SPTA1: variants seen among roughly 807,000 people sequenced by gnomAD.
SPTA1 encodes the protein spectrin alpha, erythrocytic 1.
A neutral mutation model predicts 324.7 loss-of-function variants in SPTA1; 177 were observed. The observed-to-expected ratio is 0.55, with a 90% CI of 0.48 to 0.62. The LOEUF is 0.62. SPTA1 is among the 20% of genes least tolerant of loss of function. SPTA1 has a pLI of 0.00. For synonymous variants in SPTA1, 1,195 were observed against 1,041.3 expected (o/e 1.15, Z -2.84); for missense variants, 3,162 against 2,883.6 (o/e 1.10, Z -2.21).
At chr1:158,641,675 G>C (rs1006410616) in intron 33 of SPTA1, among the ~76,000 whole-genome samples, 2 of 152,190 alleles carry the variant, frequency 1.3e-5, no homozygotes, top group African/African-American at 4.8e-5. Flanking sequence ...TGCTGGAGAG[G>C]ATGTGGAGAA....
At chr1:158,644,007 G>T (rs191273047) in intron 30 of SPTA1, among the ~76,000 whole-genome samples, 12 of 151,764 alleles carry the variant, frequency 7.9e-5, no homozygotes, top group Middle Eastern at 3.4e-3. Context: ...CATGGTGGTG[G>T]GTGTCTGTAA....
At chr1:158,638,931 T>C (rs1651316384) in intron 35 of SPTA1, among the ~76,000 whole-genome samples, 1 of 152,100 alleles carries the variant, frequency 6.6e-6, no homozygotes, top group Non-Finnish European at 1.5e-5. Context: ...TAGCTGCCCA[T>C]TGAACACATC....
intron 4 of SPTA1, 98 bp downstream of exon 4, chr1:158,681,429 T>A: frequency 6.3e-7 from 1 of 1,588,752 alleles, no homozygotes; most frequent in African/African-American, 1.3e-5. Flanking sequence ...GGAACAGACA[T>A]CCTGACTTCC....
rs139149961 is a variant in SPTA1, at chr1:158,634,145, T to C, written c.5565+398A>G. 2.2e-3 allele frequency among the ~76,000 whole-genome samples: 331 copies of C among 152,362 alleles called. 2 individuals are homozygous for C. Among genetic ancestry groups the C allele is most frequent in the African/African-American group, 7.5e-3 (313 of 41,584 alleles). On this transcript the variant is annotated intron_variant, in intron 39 of 51. Transcript: ENST00000643759. ...CCCTTCTTCCTAAAATTATATTTTGTTGAAACTGCAGCCAATGTCCAGACA... is the reference window on the plus strand; with the variant it reads ...CCCTTCTTCCTAAAATTATATTTTGCTGAAACTGCAGCCAATGTCCAGACA...
Position 158,617,513 on chromosome 1 carries a change from A to G in SPTA1, c.6600+24T>C, listed in dbSNP as rs767089324. The G allele has an allele frequency of 3.1e-6, 5 of 1,604,690 alleles. No individual in the cohort carries two copies. In the African/African-American group the frequency reaches 6.7e-5, roughly 21 times the overall value. On this transcript the variant is annotated intron_variant, in intron 47 of 51. Coordinates refer to ENST00000643759, the MANE Select transcript of SPTA1 (RefSeq NM_003126.4). ...TCCTTATAATTTTGGCAATATCTTC[A>G]GTTAATGAAAAAACAATACTTACTT...
At chr1:158,664,888 A>G (rs777035909) in intron 16 of SPTA1, among the ~76,000 whole-genome samples, 2 of 152,226 alleles carry the variant, frequency 1.3e-5, no homozygotes, top group Admixed American at 6.5e-5. Flanking sequence ...TCTGGCTCAT[A>G]TACTTGGCTG....
At chr1:158,627,313 A>G (rs1422960181) in intron 40 of SPTA1, among the ~76,000 whole-genome samples, 2 of 152,342 alleles carry the variant, frequency 1.3e-5, no homozygotes, top group East Asian at 3.9e-4. Context: ...AAATTCTTAT[A>G]ATATTCTATG....
At chr1:158,635,541 T>G (rs1467873344) in intron 38 of SPTA1, among the ~76,000 whole-genome samples, 1 of 152,172 alleles carries the variant, frequency 6.6e-6, no homozygotes, top group Non-Finnish European at 1.5e-5. Context: ...TATATGGCTA[T>G]AGGGAAAAAT....
rs750197040 is a variant in SPTA1, at chr1:158,623,151, T to A, written c.5952A>T (p.Arg1984Ser). Residue 1984 changes from arginine (R) to serine (S), a missense_variant, in exon 43 of 52, where the codon AGA becomes AGT. Arg to Ser is a moderately radical substitution (Grantham distance 110). Coordinates refer to ENST00000643759, the MANE Select transcript of SPTA1 (RefSeq NM_003126.4). ...CCTTCAGGTCAGTGATCTCGGGAAG[T>A]CTCTCTTGCTGGAAACTCTGCAGAC... Reference protein sequence around the residue: ...DASLQSFQQERLPEITDLKDK... With the variant: ...DASLQSFQQESLPEITDLKDK... 1 of 1,614,044 alleles carries A rather than the reference T, an allele frequency of 6.2e-7. No homozygotes were observed. The highest frequency in any genetic ancestry group is 8.5e-7 in the Non-Finnish European group (1 of 1,180,024).
chr1:158,629,272 T>C (rs575177020), intron 39 of SPTA1, among the ~76,000 whole-genome samples: 4 of 152,008 alleles, frequency 2.6e-5, no homozygotes, highest in Admixed American at 1.3e-4. Flanking sequence ...TGAATATAGA[T>C]GCAAAACTCC....
Position 158,661,368 on chromosome 1 carries a change from T to A in SPTA1, c.2506A>T (p.Arg836Ter). ...IASKKLLNRH[R>*]VILENIASHE... ...CTGGCAATGTTCTCCAGGATGACTC[T>A]ATGCCTATTCAGAAGCTTTTTGGAA... is the stretch of plus-strand genomic sequence containing the variant. Residue 836 changes from arginine to a stop codon, truncating the protein, a stop_gained, in exon 18 of 52, where the codon AGA becomes TGA. Coordinates refer to ENST00000643759, the MANE Select transcript of SPTA1 (RefSeq NM_003126.4). LOFTEE classifies it high-confidence loss of function. 2 of 1,613,972 alleles carry A rather than the reference T, an allele frequency of 1.2e-6. No individual in the cohort carries two copies. The highest frequency in any genetic ancestry group is 1.7e-6 in the Non-Finnish European group (2 of 1,179,898).
chr1:158,664,355 A>C (rs980705582), intron 16 of SPTA1, among the ~76,000 whole-genome samples: 1 of 152,234 alleles, frequency 6.6e-6, no homozygotes, highest in Non-Finnish European at 1.5e-5. Context: ...GCCATAAAAA[A>C]GAATGAGTTC....
At chr1:158,660,327 G>A (rs1158618670) in intron 18 of SPTA1, among the ~76,000 whole-genome samples, 4 of 152,120 alleles carry the variant, frequency 2.6e-5, no homozygotes, top group Admixed American at 6.5e-5. Flanking sequence ...CAAAAAGATG[G>A]AGAAATATGC....
rs1018883071 is a variant in SPTA1 at position 158,640,027 on chromosome 1, G to A, written c.4738-20C>T. 6.2e-6 allele frequency: 10 copies of A among 1,613,650 alleles called. No homozygotes were observed. The highest frequency in any genetic ancestry group is 2.7e-5 in the African/African-American group (2 of 75,004). ...TTGCTCCTAACCCAAGGAGAGTGAG[G>A]AGTCATTACAATCTTTAGGATCCCG... On this transcript the variant is annotated intron_variant, in intron 33 of 51. Coordinates refer to ENST00000643759, the MANE Select transcript of SPTA1 (RefSeq NM_003126.4).
At chr1:158,628,561 T>A (rs995866374) in intron 39 of SPTA1, among the ~76,000 whole-genome samples, 2 of 152,200 alleles carry the variant, frequency 1.3e-5, no homozygotes, top group African/African-American at 4.8e-5. Flanking sequence ...ACATTATATA[T>A]TATGACTGTA....
intron 39 of SPTA1, among the ~76,000 whole-genome samples, chr1:158,629,169 A>T (rs1333668072): frequency 2.1e-5 from 3 of 142,806 alleles, no homozygotes; most frequent in East Asian, 2.1e-4. Flanking sequence ...TATGTCTATC[A>T]AGAGAGACAA....
At position 158,645,531 on chromosome 1, in the gene SPTA1, G is replaced by A. The variant is rs186415745; in HGVS notation, c.3960C>T (p.Asp1320=). ...CCAGCAAGATCTCTATGCCAGTTAA[G>A]TCTTCGGCCAGCTCCTGTGATGATA... is the stretch of plus-strand genomic sequence containing the variant. ...GMVSSQELAE[D]LTGIEILLER... The change falls in exon 28 of 52, where the codon GAC becomes GAT. Residue 1320 remains aspartate (D), a synonymous_variant. Coordinates refer to ENST00000643759, the MANE Select transcript of SPTA1 (RefSeq NM_003126.4). 3.2e-4 allele frequency: 523 copies of A among 1,613,982 alleles called. 1 individual carries two copies. Among genetic ancestry groups the A allele is most frequent in the Admixed American group, 8.2e-4 (49 of 59,992 alleles).
chr1:158,656,212 C>T lies in SPTA1; in HGVS notation c.2898+352G>A, dbSNP rs553216505. On this transcript the variant is annotated intron_variant, in intron 20 of 51. Coordinates refer to ENST00000643759, the MANE Select transcript of SPTA1 (RefSeq NM_003126.4). ...ATAGTAGACATTTAATAAGTTTTGG[C>T]ATTAAAAATTAAGAAACAAAAGAAG... 2.0e-5 allele frequency among the ~76,000 whole-genome samples: 3 copies of T among 151,416 alleles called. No homozygotes were observed. In the East Asian group the frequency reaches 5.8e-4, roughly 29 times the overall value.
At chr1:158,632,165 A>G (rs1458691140) in intron 39 of SPTA1, among the ~76,000 whole-genome samples, 5 of 152,300 alleles carry the variant, frequency 3.3e-5, no homozygotes, top group African/African-American at 7.2e-5. Context: ...AACCTTGAGG[A>G]CATTACGCTA....
Sources: allele counts gnomAD v4.1 joint callset (sites outside exome capture counted in the v4.1 genomes callset), GRCh38; gene constraint gnomAD v4.1.1; transcripts MANE v1.5; gene names NCBI Gene and HGNC (gene_info 2026-07-23, HGNC 2026-07-21).